CCSER1: variants seen among roughly 807,000 people sequenced by gnomAD.
CCSER1 encodes serine-rich coiled-coil domain-containing protein 1.
CCSER1 carries 41 observed loss-of-function variants against 82.0 expected under a neutral mutation model. The observed-to-expected ratio is 0.50, with a 90% CI of 0.39 to 0.65. The LOEUF is 0.65. Among genes scored for constraint, CCSER1 ranks in the 30% least tolerant of loss-of-function variants. CCSER1 has a pLI of 0.00. For synonymous variants in CCSER1, 414 were observed against 383.9 expected (o/e 1.08, Z -0.92); for missense variants, 1,119 against 1,064.2 (o/e 1.05, Z -0.72).
In CCSER1 at chr4:91,018,266, C is replaced by A. The variant is rs149682206; in HGVS notation, c.2173-67684C>A. Among the ~76,000 whole-genome samples the A allele has an allele frequency of 1.2e-3, 187 of 152,200 alleles. 6 individuals are homozygous for A. The highest frequency in any genetic ancestry group is 0.012 in the Admixed American group (179 of 15,278). ...CAAAACTACACTTTCTCTAGTATTTCTTTTCTTAATAAATGGTACCACTGA... is the reference window on the plus strand; with the variant it reads ...CAAAACTACACTTTCTCTAGTATTTATTTTCTTAATAAATGGTACCACTGA... On this transcript the variant is annotated intron_variant, in intron 9 of 10. Transcript: ENST00000509176.
intron 10 of CCSER1, among the ~76,000 whole-genome samples, chr4:91,096,960 C>T (rs779622868): frequency 2.0e-5 from 3 of 152,120 alleles, no homozygotes; most frequent in Admixed American, 1.3e-4. Flanking sequence ...ACAGGCACAC[C>T]GTGGGTGATC....
At chr4:90,530,326 G>A (rs1774345285) in intron 5 of CCSER1, among the ~76,000 whole-genome samples, 1 of 152,112 alleles carries the variant, frequency 6.6e-6, no homozygotes, top group Admixed American at 6.6e-5. Flanking sequence ...ACTGATATTG[G>A]TGGGCAAGGG....
chr4:91,253,860 G>A (rs1252473939), intron 10 of CCSER1, among the ~76,000 whole-genome samples: 1 of 151,996 alleles, frequency 6.6e-6, no homozygotes. Flanking sequence ...AGAGAGGAGT[G>A]GGGGGAGGTG....
chr4:91,384,839 G>C (rs1215257480), intron 10 of CCSER1, among the ~76,000 whole-genome samples: 5 of 151,974 alleles, frequency 3.3e-5, no homozygotes, highest in Non-Finnish European at 5.9e-5. Flanking sequence ...TTAAATAGCT[G>C]AAAAGAGATT....
intron 5 of CCSER1, among the ~76,000 whole-genome samples, chr4:90,544,385 T>G (rs1455260249): frequency 1.3e-5 from 2 of 152,078 alleles, no homozygotes; most frequent in African/African-American, 2.4e-5. Context: ...GAATACAGAT[T>G]AAAATCAGCC....
At chr4:91,370,175 T>G (rs769211846) in intron 10 of CCSER1, among the ~76,000 whole-genome samples, 39 of 152,264 alleles carry the variant, frequency 2.6e-4, no homozygotes, top group East Asian at 1.9e-4. Context: ...CAGAGTTAAG[T>G]CTACACTTAT....
intron 10 of CCSER1, among the ~76,000 whole-genome samples, chr4:91,288,901 C>G (rs370346168): frequency 2.0e-5 from 3 of 151,968 alleles, no homozygotes; most frequent in East Asian, 3.9e-4. Context: ...TGCTTTAAGA[C>G]TTAGAGTTGA....
intron 10 of CCSER1, among the ~76,000 whole-genome samples, chr4:91,114,667 T>C (rs1162525554): frequency 4.6e-5 from 7 of 152,160 alleles, no homozygotes; most frequent in Non-Finnish European, 4.4e-5. Context: ...TTAGCAATTA[T>C]ACAAATGAAA....
intron 10 of CCSER1, among the ~76,000 whole-genome samples, chr4:91,193,925 A>C (rs1324636426): frequency 2.0e-5 from 3 of 151,766 alleles, no homozygotes; most frequent in African/African-American, 7.3e-5. Context: ...TATTTCGTTG[A>C]CTCAACAAGA....
intron 5 of CCSER1, among the ~76,000 whole-genome samples, chr4:90,581,887 T>G (rs536177039): frequency 1.5e-4 from 23 of 152,256 alleles, no homozygotes; most frequent in South Asian, 2.1e-4. Context: ...CTTTTTTTTT[T>G]TGTGATTTTT....
intron 10 of CCSER1, among the ~76,000 whole-genome samples, chr4:91,346,464 T>C (rs61561123): frequency 0.087 from 13,176 of 152,244 alleles, 1,919 homozygotes; most frequent in African/African-American, 0.3. Context: ...GGTTTTGATG[T>C]GGGCATACAA....
At chr4:91,564,729 A>G (rs1762803208) in intron 10 of CCSER1, among the ~76,000 whole-genome samples, 1 of 151,048 alleles carries the variant, frequency 6.6e-6, no homozygotes, top group Admixed American at 6.6e-5. Flanking sequence ...TTTTAATGCT[A>G]TTGTTTCTCT....
intron 10 of CCSER1, among the ~76,000 whole-genome samples, chr4:91,196,359 G>A (rs1367718402): frequency 1.3e-5 from 2 of 152,040 alleles, no homozygotes; most frequent in African/African-American, 2.4e-5. Context: ...TATAGTTGAT[G>A]TATTCAATAA....
At chr4:91,507,590 T>C (rs1377639084) in intron 10 of CCSER1, among the ~76,000 whole-genome samples, 1 of 150,976 alleles carries the variant, frequency 6.6e-6, no homozygotes, top group African/African-American at 2.4e-5. Flanking sequence ...CTTTTGCCCA[T>C]CTTTTTAAAT....
Position 91,526,751 on chromosome 4 carries a change from C to T in CCSER1, c.2218-71821C>T, listed in dbSNP as rs182640198. Among the ~76,000 whole-genome samples the T allele has an allele frequency of 2.8e-3, 423 of 152,202 alleles. 1 individual carries two copies. Among genetic ancestry groups the T allele is most frequent in the African/African-American group, 9.5e-3 (394 of 41,534 alleles). On this transcript the variant is annotated intron_variant, in intron 10 of 10. Coordinates refer to ENST00000509176, the MANE Select transcript of CCSER1 (RefSeq NM_001145065.2). Reference sequence around the variant, plus strand: ...CTGGGATTACAGGTGCCCGCCACCACGCCCAGCTAATTTTTTGTATTTTTA... The same window carrying T: ...CTGGGATTACAGGTGCCCGCCACCATGCCCAGCTAATTTTTTGTATTTTTA...
intron 7 of CCSER1, among the ~76,000 whole-genome samples, chr4:90,783,371 C>G (rs1754069072): frequency 6.6e-6 from 1 of 152,186 alleles, no homozygotes; most frequent in East Asian, 1.9e-4. Flanking sequence ...ATCCGTTTAA[C>G]TGCAGCAGAA....
At chr4:90,413,120 A>G (rs1278714136) in intron 4 of CCSER1, among the ~76,000 whole-genome samples, 1 of 152,220 alleles carries the variant, frequency 6.6e-6, no homozygotes, top group Non-Finnish European at 1.5e-5. Context: ...AAATTAATGT[A>G]CACAAATCAG....
chr4:90,348,171 G>A (rs1285691632), intron 3 of CCSER1, among the ~76,000 whole-genome samples: 1 of 152,176 alleles, frequency 6.6e-6, no homozygotes, highest in Non-Finnish European at 1.5e-5. Flanking sequence ...TGGGTACTAG[G>A]TGAAATACCT....
At chr4:91,144,268 T>G (rs999575524) in intron 10 of CCSER1, among the ~76,000 whole-genome samples, 7 of 152,000 alleles carry the variant, frequency 4.6e-5, no homozygotes. Context: ...TTCATAATGG[T>G]CTCTGAGGAT....
Sources: allele counts gnomAD v4.1 joint callset (sites outside exome capture counted in the v4.1 genomes callset), GRCh38; gene constraint gnomAD v4.1.1; transcripts MANE v1.5; gene names NCBI Gene and HGNC (gene_info 2026-07-23, HGNC 2026-07-21).